KLHL18: variants seen among roughly 807,000 people sequenced by gnomAD.
KLHL18 encodes kelch like family member 18.
In KLHL18, 38 loss-of-function variants were observed where a neutral mutation model predicts 58.5. The ratio of observed to expected loss-of-function variants is 0.65; its 90% CI spans 0.50 to 0.85. The LOEUF is 0.85. Ranked by LOEUF, KLHL18 falls within the 40% of genes least tolerant of loss-of-function variation. The probability of loss-of-function intolerance (pLI) is 0.00; values close to 1 mark genes in which losing one functional copy is unlikely to be tolerated. For synonymous variants in KLHL18, 303 were observed against 301.9 expected (o/e 1.00, Z -0.04); for missense variants, 624 against 778.4 (o/e 0.80, Z 2.36).
intron 3 of KLHL18, among the ~76,000 whole-genome samples, chr3:47,329,401 G>T (rs991335862): frequency 6.6e-6 from 1 of 152,060 alleles, no homozygotes; most frequent in Non-Finnish European, 1.5e-5. Context: ...CTAATTTTTT[G>T]TATTTTTAGT....
rs1163438916 is a variant in KLHL18, at chr3:47,335,795, A to G, written c.899-740A>G. 2.0e-5 allele frequency among the ~76,000 whole-genome samples: 3 copies of G among 152,272 alleles called. No homozygotes were observed. The East Asian group carries it at 5.8e-4, about 29-fold the overall frequency. On this transcript the variant is annotated intron_variant, in intron 6 of 9. Coordinates refer to ENST00000232766, the MANE Select transcript of KLHL18 (RefSeq NM_025010.5). ...AGTGCTGGGATTACAGGTGTGAGCC[A>G]CCGCACCTGGCCCAGTTTTGTTTTT...
chr3:47,292,513 G>A (rs1274330541), intron 1 of KLHL18, among the ~76,000 whole-genome samples: 1 of 151,644 alleles, frequency 6.6e-6, no homozygotes, highest in Non-Finnish European at 1.5e-5. Context: ...CTCAAGAACA[G>A]ATAGATACTT....
At chr3:47,306,557 T>G (rs1029571472) in intron 1 of KLHL18, among the ~76,000 whole-genome samples, 2 of 152,232 alleles carry the variant, frequency 1.3e-5, no homozygotes, top group East Asian at 3.8e-4. Context: ...TTTTTTATTT[T>G]GTTTAGTTTT....
chr3:47,334,922 T>TCAC lies in KLHL18; in HGVS notation c.898+108_898+110dup. 1 of 1,186,024 alleles carries TCAC rather than the reference T, an allele frequency of 8.4e-7. No homozygotes were observed. Among genetic ancestry groups the TCAC allele is most frequent in the Non-Finnish European group, 1.2e-6 (1 of 842,482 alleles). The allele number at this position is 1,186,024 out of a possible 1,614,324, so 73.5% of individuals were successfully genotyped here. ...CTTCTGGTTTCTCTGTTTTGTACTG[T>TCAC]CACCACCCTTGCCCCTCTTGATTTT... On this transcript the variant is annotated intron_variant, in intron 6 of 9. Transcript: ENST00000232766. This position sits in a 1 kb window ranked among gnomAD's most constrained non-coding sequence, Gnocchi z 4.7.
At chr3:47,300,890 T>G (rs188672741) in intron 1 of KLHL18, among the ~76,000 whole-genome samples, 29 of 152,116 alleles carry the variant, frequency 1.9e-4, no homozygotes, top group African/African-American at 7.0e-4. Context: ...CCGCCCACCT[T>G]GGCTTCCCAA....
rs546073361 is a variant in KLHL18 at position 47,345,800 on chromosome 3, C to T, written c.*1859C>T. 6.5e-6 allele frequency: 1 copy of T among 152,678 alleles called. No individual in the cohort carries two copies. The highest frequency in any genetic ancestry group is 2.1e-4 in the South Asian group (1 of 4,826). 9.5% of individuals were successfully genotyped at this position (152,678 alleles called of 1,614,324 possible). A position where few individuals can be genotyped will look rare whatever the true frequency, so the allele number is the denominator to read the frequency against. On this transcript the variant is annotated 3_prime_UTR_variant, in exon 10 of 10. Transcript: ENST00000232766. Reference sequence around the variant, plus strand: ...TGGGGTGTCTCCCCCACCCCAGGACCGTCAGGTTTACCAGTGTGTGCAATC... The same window carrying T: ...TGGGGTGTCTCCCCCACCCCAGGACTGTCAGGTTTACCAGTGTGTGCAATC...
chr3:47,312,179 A>G (rs1024910281), intron 1 of KLHL18, among the ~76,000 whole-genome samples: 5 of 152,204 alleles, frequency 3.3e-5, no homozygotes, highest in Non-Finnish European at 5.9e-5. Context: ...TTGAATACAC[A>G]AGGAGATCTC....
chr3:47,284,130 G>A (rs926787226), intron 1 of KLHL18, among the ~76,000 whole-genome samples: 1 of 151,902 alleles, frequency 6.6e-6, no homozygotes, highest in African/African-American at 2.4e-5. Flanking sequence ...TACTCAGGAG[G>A]GTGAGGTGGG....
At chr3:47,322,521 A>C in intron 2 of KLHL18, 47 bp from the exon 3 acceptor site, 1 of 1,529,608 alleles carries the variant, frequency 6.5e-7, no homozygotes, top group South Asian at 1.3e-5. Flanking sequence ...CCCGTGGGCC[A>C]AGACTCGTCT....
intron 8 of KLHL18, 42 bp downstream of exon 8, chr3:47,340,718 CAG>C (rs753320751): frequency 1.1e-5 from 18 of 1,609,962 alleles, no homozygotes; most frequent in South Asian, 3.3e-5. Flanking sequence ...AGCTTATAAA[CAG>C]AGAGTATAAA....
At chr3:47,329,118 G>A (rs2107644919) in intron 3 of KLHL18, among the ~76,000 whole-genome samples, 1 of 144,922 alleles carries the variant, frequency 6.9e-6, no homozygotes, top group African/African-American at 2.5e-5. Context: ...GACAAAGTGA[G>A]ACCCTGTCTC....
intron 1 of KLHL18, among the ~76,000 whole-genome samples, chr3:47,313,205 G>A (rs1401617691): frequency 6.8e-6 from 1 of 146,536 alleles, no homozygotes; most frequent in Non-Finnish European, 1.5e-5. Flanking sequence ...CACCGTGCCC[G>A]GCCTAATTTT....
chr3:47,313,262 G>A (rs1376715634), intron 1 of KLHL18, among the ~76,000 whole-genome samples: 3 of 150,128 alleles, frequency 2.0e-5, no homozygotes, highest in African/African-American at 7.4e-5. Flanking sequence ...TTGCTGCCCA[G>A]GCTGGAATGC....
intron 2 of KLHL18, among the ~76,000 whole-genome samples, chr3:47,322,294 G>A (rs964682503): frequency 1.3e-5 from 2 of 152,154 alleles, no homozygotes; most frequent in African/African-American, 4.8e-5. Flanking sequence ...GCATGTTGGC[G>A]ATCAAGGACT....
At chr3:47,288,026 TC>T (rs1487924355) in intron 1 of KLHL18, among the ~76,000 whole-genome samples, 1 of 151,648 alleles carries the variant, frequency 6.6e-6, no homozygotes, top group Admixed American at 6.6e-5. Context: ...ATCAAGAACA[TC>T]CATGCCAACA....
At chr3:47,339,770 C>T (rs1266279296) in intron 7 of KLHL18, among the ~76,000 whole-genome samples, 1 of 146,212 alleles carries the variant, frequency 6.8e-6, no homozygotes, top group Non-Finnish European at 1.5e-5. Flanking sequence ...TAAGAGGTGG[C>T]AGATAGATTG....
intron 1 of KLHL18, among the ~76,000 whole-genome samples, chr3:47,295,547 GCTTTCC>G (rs61124707): frequency 0.071 from 10,725 of 151,342 alleles, 1,242 homozygotes; most frequent in African/African-American, 0.24. Flanking sequence ...TTCTTCCCTT[GCTTTCC>G]CTTTCCCTTT....
At chr3:47,327,664 C>G (rs1703757390) in intron 3 of KLHL18, among the ~76,000 whole-genome samples, 1 of 152,236 alleles carries the variant, frequency 6.6e-6, no homozygotes, top group Non-Finnish European at 1.5e-5. Flanking sequence ...ACATCTTGCT[C>G]TCTGCTTATG....
chr3:47,343,608 C>T lies in KLHL18; in HGVS notation c.1392C>T (p.Leu464=). 1 of 1,614,136 alleles carries T rather than the reference C, an allele frequency of 6.2e-7. No individual in the cohort carries two copies. The highest frequency in any genetic ancestry group is 8.5e-7 in the Non-Finnish European group (1 of 1,180,046). ...CCTGGCACCCTGCAGCTGGCATGCT[C>T]AACAAGCGCTGCCGGCACGGAGCCG... ...TATWHPAAGM[L]NKRCRHGAAS... Residue 464 remains leucine, a synonymous_variant, in exon 10 of 10, where the codon CTC becomes CTT. Transcript: ENST00000232766.
Sources: gnomAD v4.1 joint callset for allele counts (sites outside exome capture counted in the v4.1 genomes callset) on GRCh38, gnomAD v4.1.1 for gene constraint, Gnocchi (gnomAD v3.1) non-coding constraint, MANE v1.5 for transcripts, NCBI Gene and HGNC (gene_info 2026-07-23, HGNC 2026-07-21) for gene names.